Variants in PCDH9 observed in about 807,000 individuals in gnomAD.
The protein encoded by PCDH9 is protocadherin-9.
Under a neutral mutation model 70.6 loss-of-function variants are expected in PCDH9, and 24 were observed. That is an observed-to-expected ratio of 0.34 (90% CI 0.25 to 0.48). The LOEUF (loss-of-function observed/expected upper bound fraction) is 0.48, where lower values mean the gene tolerates loss of function less well. Among genes scored for constraint, PCDH9 ranks in the 20% least tolerant of loss-of-function variants. The probability of loss-of-function intolerance (pLI) is 0.99; values close to 1 mark genes in which losing one functional copy is unlikely to be tolerated. For missense variants in PCDH9, 1,281 were observed against 1,503.6 expected (o/e 0.85, Z 2.45); for synonymous variants, 562 against 558.5 (o/e 1.01, Z -0.09).
chr13:67,101,922 G>A (rs932328068), intron 2 of PCDH9, among the ~76,000 whole-genome samples: 20 of 152,072 alleles, frequency 1.3e-4, no homozygotes, highest in Admixed American at 1.1e-3. Flanking sequence ...GAATACCAAC[G>A]CTGTTGAGTA....
chr13:66,760,277 C>T (rs2079603402), intron 3 of PCDH9, among the ~76,000 whole-genome samples: 1 of 152,034 alleles, frequency 6.6e-6, no homozygotes, highest in South Asian at 2.1e-4. Flanking sequence ...CTTCAGGACC[C>T]TATATTTGTC....
chr13:66,338,248 C>T (rs1956068948), intron 4 of PCDH9, among the ~76,000 whole-genome samples: 1 of 152,026 alleles, frequency 6.6e-6, no homozygotes, highest in Non-Finnish European at 1.5e-5. Context: ...TTTTCTGCCT[C>T]CCTAACACCT....
intron 4 of PCDH9, among the ~76,000 whole-genome samples, chr13:66,561,131 C>T (rs757218594): frequency 2.0e-5 from 3 of 152,220 alleles, no homozygotes; most frequent in South Asian, 2.1e-4. Flanking sequence ...TCCGGGTGGC[C>T]GTGTGCTGGG....
intron 3 of PCDH9, among the ~76,000 whole-genome samples, chr13:66,850,010 T>C (rs2081288057): frequency 6.6e-6 from 1 of 152,154 alleles, no homozygotes; most frequent in African/African-American, 2.4e-5. Flanking sequence ...GAGAAGTAGA[T>C]AGTTGTTCTT....
intron 4 of PCDH9, among the ~76,000 whole-genome samples, chr13:66,461,548 C>CA (rs879897582): frequency 0.025 from 3,399 of 136,150 alleles, 101 homozygotes; most frequent in African/African-American, 0.078. Context: ...ATCAACTCTG[C>CA]AAAAAAAAAA....
intron 4 of PCDH9, among the ~76,000 whole-genome samples, chr13:66,441,901 C>T (rs117245735): frequency 0.011 from 1,697 of 152,170 alleles, 17 homozygotes; most frequent in Non-Finnish European, 0.017. Context: ...GTTTTAAAAT[C>T]ATTTCTTTAT....
chr13:66,403,194 C>CA (rs1957219381), intron 4 of PCDH9, among the ~76,000 whole-genome samples: 2 of 151,866 alleles, frequency 1.3e-5, no homozygotes, highest in Non-Finnish European at 1.5e-5. Context: ...GGCTGGAGTG[C>CA]AGTGACACAA....
chr13:67,129,001 C>T (rs1269635040), intron 2 of PCDH9, among the ~76,000 whole-genome samples: 1 of 152,160 alleles, frequency 6.6e-6, no homozygotes, highest in Non-Finnish European at 1.5e-5. Flanking sequence ...TGGTGATAAC[C>T]ACTTGCCTAC....
chr13:66,674,869 T>C (rs1267764779), intron 3 of PCDH9, among the ~76,000 whole-genome samples: 1 of 152,128 alleles, frequency 6.6e-6, no homozygotes, highest in African/African-American at 2.4e-5. Flanking sequence ...AGTTTAGATG[T>C]CAAAGTGTGG....
intron 3 of PCDH9, among the ~76,000 whole-genome samples, chr13:66,833,986 T>G (rs2139413891): frequency 6.6e-6 from 1 of 152,234 alleles, no homozygotes; most frequent in South Asian, 2.1e-4. Flanking sequence ...AATATCTGTT[T>G]CTATGGGGAG....
chr13:66,547,171 T>C (rs9540804), intron 4 of PCDH9, among the ~76,000 whole-genome samples: 39,393 of 152,130 alleles, frequency 0.26, 5,335 homozygotes, highest in South Asian at 0.34. Context: ...TTCTTATTTG[T>C]AATGTCAGCA....
At chr13:66,980,311 C>T (rs2083716583) in intron 2 of PCDH9, among the ~76,000 whole-genome samples, 1 of 152,156 alleles carries the variant, frequency 6.6e-6, no homozygotes, top group South Asian at 2.1e-4. Context: ...CACACGTACA[C>T]ACAAATGACT....
intron 2 of PCDH9, among the ~76,000 whole-genome samples, chr13:67,043,381 G>T (rs570523594): frequency 6.6e-6 from 1 of 152,256 alleles, no homozygotes; most frequent in South Asian, 2.1e-4. Flanking sequence ...GTGATATGTA[G>T]AAGTTTGAAT....
rs144011789 is a variant in PCDH9, at chr13:67,041,724, G to A, written c.3037-138119C>T. On this transcript the variant is annotated intron_variant, in intron 2 of 4. Coordinates refer to ENST00000377865, the MANE Select transcript of PCDH9 (RefSeq NM_203487.3). ...TGGGCACCTGTAGTCCCAGCTACTC[G>A]GGAGGCTGAGGCAGGAGAATGGTGT... is the stretch of plus-strand genomic sequence containing the variant. Among the ~76,000 whole-genome samples the A allele has an allele frequency of 5.8e-3, 888 of 151,830 alleles. 8 individuals carry two copies. The highest frequency in any genetic ancestry group is 0.021 in the African/African-American group (851 of 41,424).
At chr13:67,129,003 C>G (rs945200932) in intron 2 of PCDH9, among the ~76,000 whole-genome samples, 1 of 152,190 alleles carries the variant, frequency 6.6e-6, no homozygotes, top group Non-Finnish European at 1.5e-5. Context: ...GTGATAACCA[C>G]TTGCCTACTG....
chr13:66,365,041 T>G (rs2138202255), intron 4 of PCDH9, among the ~76,000 whole-genome samples: 1 of 152,326 alleles, frequency 6.6e-6, no homozygotes, highest in South Asian at 2.1e-4. Flanking sequence ...TGACTGCCCT[T>G]TTAAGCATTT....
intron 2 of PCDH9, among the ~76,000 whole-genome samples, chr13:67,153,018 G>T (rs1198554056): frequency 6.6e-6 from 1 of 151,880 alleles, no homozygotes; most frequent in Admixed American, 6.6e-5. Context: ...CTCCCACCTG[G>T]AAGTGCACTC....
At position 66,614,799 on chromosome 13, in the gene PCDH9, A is replaced by C. The variant is rs990358104; in HGVS notation, c.3340+16411T>G. On this transcript the variant is annotated intron_variant, in intron 4 of 4. Coordinates refer to ENST00000377865, the MANE Select transcript of PCDH9 (RefSeq NM_203487.3). ...GGGTACACTCGCCAGCAGTTTTGCC[A>C]TGAGAGTACATTGAACAAAAGAGAC... 5.3e-5 allele frequency among the ~76,000 whole-genome samples: 8 copies of C among 152,340 alleles called. No individual in the cohort carries two copies. In the East Asian group the frequency reaches 1.5e-3, roughly 29 times the overall value.
chr13:66,310,425 T>G (rs561292418), intron 4 of PCDH9, among the ~76,000 whole-genome samples: 17 of 152,196 alleles, frequency 1.1e-4, no homozygotes, highest in African/African-American at 4.1e-4. Context: ...CCAACTATAC[T>G]TAAGTAGTAG....
Sources: allele counts gnomAD v4.1 joint callset (sites outside exome capture counted in the v4.1 genomes callset), GRCh38; gene constraint gnomAD v4.1.1; transcripts MANE v1.5; gene names NCBI Gene and HGNC (gene_info 2026-07-23, HGNC 2026-07-21).